RARB: variants seen among roughly 807,000 people sequenced by gnomAD.
RARB encodes retinoic acid receptor beta.
In RARB, 17 loss-of-function variants were observed where a neutral mutation model predicts 51.9. The observed-to-expected ratio is 0.33, with a 90% CI of 0.22 to 0.49. RARB has a LOEUF of 0.49. RARB is among the 20% of genes least tolerant of loss of function. The pLI, the probability that RARB is intolerant of heterozygous loss-of-function variation, is 0.99. For missense variants in RARB, 369 were observed against 550.8 expected (o/e 0.67, Z 3.30); for synonymous variants, 215 against 195.4 (o/e 1.10, Z -0.84).
At chr3:24,931,682 T>C (rs1209332594) in intron 2 of RARB, among the ~76,000 whole-genome samples, 1 of 152,120 alleles carries the variant, frequency 6.6e-6, no homozygotes, top group East Asian at 1.9e-4. Context: ...CAACGTGTCT[T>C]TGCAAGCACC....
intron 3 of RARB, among the ~76,000 whole-genome samples, chr3:25,517,336 T>C (rs995194586): frequency 6.6e-6 from 1 of 152,230 alleles, no homozygotes; most frequent in African/African-American, 2.4e-5. Flanking sequence ...GGCAATGGAT[T>C]TGAGTAGACA....
intron 2 of RARB, among the ~76,000 whole-genome samples, chr3:24,966,634 C>G (rs980935170): frequency 4.0e-5 from 6 of 149,832 alleles, no homozygotes; most frequent in Non-Finnish European, 5.9e-5. Flanking sequence ...CTCTCTCTCT[C>G]TCTCTCTCTC....
At chr3:25,376,488 G>T (rs1426619992) in intron 5 of RARB, among the ~76,000 whole-genome samples, 2 of 151,846 alleles carry the variant, frequency 1.3e-5, no homozygotes, top group South Asian at 2.1e-4. Context: ...CCCACTCCTT[G>T]CTCTGTAAAA....
intron 3 of RARB, among the ~76,000 whole-genome samples, chr3:25,552,627 A>G (rs1358293102): frequency 6.6e-6 from 1 of 152,178 alleles, no homozygotes; most frequent in Non-Finnish European, 1.5e-5. Context: ...AAGTTCTTAG[A>G]AGGTCAGTTC....
chr3:25,079,383 G>T (rs558266539), intron 3 of RARB, among the ~76,000 whole-genome samples: 2 of 152,214 alleles, frequency 1.3e-5, no homozygotes, highest in South Asian at 2.1e-4. Flanking sequence ...CATTGTGCCA[G>T]ACAGAACCTC....
intron 5 of RARB, among the ~76,000 whole-genome samples, chr3:25,343,024 T>TTGTGTGTGTGTGTGTGTGTG (rs6147737): frequency 1.5e-4 from 20 of 132,058 alleles, no homozygotes; most frequent in South Asian, 2.6e-4. Context: ...TGCAAGTACT[T>TTGTGTGTGTGTGTGTGTGTG]TGTGTGTGTG....
At chr3:25,340,740 A>G (rs566752462) in intron 5 of RARB, among the ~76,000 whole-genome samples, 6 of 152,322 alleles carry the variant, frequency 3.9e-5, no homozygotes, top group Admixed American at 6.5e-5. Flanking sequence ...CTGGAGAACA[A>G]GAAGGAAGTA....
chr3:24,944,276 G>A (rs530083735), intron 2 of RARB, among the ~76,000 whole-genome samples: 5 of 152,328 alleles, frequency 3.3e-5, no homozygotes, highest in South Asian at 2.1e-4. Flanking sequence ...CCTTGGGGAT[G>A]TAAATTCTGC....
In RARB at chr3:24,958,506, A is replaced by C. The variant is rs1348008776; in HGVS notation, c.-380+99754A>C. Among the ~76,000 whole-genome samples the C allele has an allele frequency of 3.3e-5, 5 of 152,044 alleles. No homozygotes were observed. In the East Asian group the frequency reaches 9.6e-4, roughly 29 times the overall value. On this transcript the variant is annotated intron_variant, in intron 2 of 11. Coordinates refer to the RARB transcript ENST00000383772. ...TTCTCTCACACCCTGATTTTTAGAAATGCCTGCTGCTCTCTTTAGGTTTCC... is the reference window on the plus strand; with the variant it reads ...TTCTCTCACACCCTGATTTTTAGAACTGCCTGCTGCTCTCTTTAGGTTTCC...
exon 5 of RARB, chr3:25,174,181 C>T (rs576064349): frequency 7.9e-6 from 2 of 254,252 alleles, no homozygotes; most frequent in South Asian, 4.9e-5. Flanking sequence ...CGAAGCTGAA[C>T]GACGAAAGCA....
At chr3:25,222,290 A>G (rs1298680736) in intron 5 of RARB, among the ~76,000 whole-genome samples, 1 of 152,164 alleles carries the variant, frequency 6.6e-6, no homozygotes, top group Non-Finnish European at 1.5e-5. Flanking sequence ...TTTTTAAGCT[A>G]TCAAAACCAG....
At chr3:25,347,030 G>C (rs1705416347) in intron 5 of RARB, among the ~76,000 whole-genome samples, 1 of 152,198 alleles carries the variant, frequency 6.6e-6, no homozygotes, top group East Asian at 1.9e-4. Flanking sequence ...TTTCAGAAGA[G>C]GGAAGCTTTA....
intron 5 of RARB, among the ~76,000 whole-genome samples, chr3:25,281,495 A>G (rs1298668278): frequency 6.6e-6 from 1 of 152,242 alleles, no homozygotes; most frequent in Non-Finnish European, 1.5e-5. Flanking sequence ...CGGGTGAACC[A>G]CTTAACCTGT....
At chr3:25,238,443 T>G (rs369943522) in intron 5 of RARB, among the ~76,000 whole-genome samples, 97 of 152,244 alleles carry the variant, frequency 6.4e-4, no homozygotes, top group African/African-American at 2.3e-3. Context: ...ATATCTTTGA[T>G]GTTGTGAATA....
intron 2 of RARB, among the ~76,000 whole-genome samples, chr3:25,492,774 AGT>A (rs1425755189): frequency 1.3e-5 from 2 of 152,146 alleles, no homozygotes; most frequent in Non-Finnish European, 2.9e-5. Context: ...TCTAATAGTA[AGT>A]GTGCCGAGGA....
Position 25,456,696 on chromosome 3 carries a change from G to T in RARB, c.158-4497G>T, listed in dbSNP as rs1298772683. On this transcript the variant is annotated intron_variant, in intron 1 of 7. Transcript: ENST00000330688. ...ATATATATATATAGAGAGAGAGAGA[G>T]AGAGAGAGAGAGAGAGAGAGAGTCA... 1.3e-3 allele frequency among the ~76,000 whole-genome samples: 186 copies of T among 146,054 alleles called. 1 individual carries two copies. In the East Asian group the frequency reaches 0.017, roughly 13 times the overall value.
At chr3:24,863,265 A>C (rs1702788025) in intron 2 of RARB, among the ~76,000 whole-genome samples, 1 of 152,202 alleles carries the variant, frequency 6.6e-6, no homozygotes. Flanking sequence ...ATTTAACTTC[A>C]TGGATGAACC....
chr3:24,913,793 G>A (rs1695051001), intron 2 of RARB, among the ~76,000 whole-genome samples: 1 of 152,138 alleles, frequency 6.6e-6, no homozygotes, highest in South Asian at 2.1e-4. Context: ...TTAAGGATCA[G>A]GTCAATAATT....
At chr3:25,057,519 G>T (rs1698463779) in intron 2 of RARB, among the ~76,000 whole-genome samples, 1 of 152,020 alleles carries the variant, frequency 6.6e-6, no homozygotes, top group African/African-American at 2.4e-5. Context: ...ATGTTGGCTT[G>T]CCTCACTGAC....
Sources: gnomAD v4.1 joint callset for allele counts (sites outside exome capture counted in the v4.1 genomes callset) on GRCh38, gnomAD v4.1.1 for gene constraint, MANE v1.5 for transcripts, NCBI Gene and HGNC (gene_info 2026-07-23, HGNC 2026-07-21) for gene names.